Variants in SLFN12L observed in about 807,000 individuals in gnomAD.
The protein encoded by SLFN12L is schlafen family member 12 like.
Under a neutral mutation model 34.8 loss-of-function variants are expected in SLFN12L, and 34 were observed. The observed-to-expected ratio is 0.98, with a 90% CI of 0.74 to 1.30. The LOEUF (loss-of-function observed/expected upper bound fraction) is 1.30. Ranked by LOEUF, SLFN12L falls within the 50% of genes most tolerant of loss-of-function variation. The pLI, the probability that SLFN12L is intolerant of heterozygous loss-of-function variation, is 0.00. For synonymous variants in SLFN12L, 259 were observed against 247.5 expected (o/e 1.05, Z -0.44); for missense variants, 703 against 696.2 (o/e 1.01, Z -0.11).
chr17:35,492,795 G>A (rs950832457), intron 2 of SLFN12L, among the ~76,000 whole-genome samples: 3 of 152,122 alleles, frequency 2.0e-5, no homozygotes, highest in Admixed American at 6.5e-5. Context: ...TAGTATCTCC[G>A]GTCCATTCCT....
chr17:35,475,408 AT>A lies in SLFN12L; in HGVS notation c.1353del (p.Gln451HisfsTer2). The A allele has an allele frequency of 1.9e-6, 3 of 1,614,168 alleles. No homozygotes were observed. Among genetic ancestry groups the A allele is most frequent in the Non-Finnish European group, 2.5e-6 (3 of 1,180,028 alleles). On this transcript the variant is annotated frameshift_variant, in exon 5 of 5. Coordinates refer to ENST00000628453, the MANE Select transcript of SLFN12L (RefSeq NM_001363830.2). LOFTEE classifies it low-confidence loss of function (END_TRUNC). ...ACAGAGCCCATTTCTTCACATATTA[AT>A]TGCTTAAGTCCTTCATGTTGTGAGA... ...NLFSQHEGLKQLICEEMGSVN... is the reference protein window; with the variant it reads ...NLFSQHEGLKXLICEEMGSVN...
rs1913793864 is a variant in SLFN12L at position 35,470,763 on chromosome 17, G to C, written c.*4160C>G. 6.6e-6 allele frequency: 1 copy of C among 151,800 alleles called. No homozygotes were observed. The highest frequency in any genetic ancestry group is 1.5e-5 in the Non-Finnish European group (1 of 68,042). 9.4% of individuals were successfully genotyped at this position (151,800 alleles called of 1,614,324 possible). On this transcript the variant is annotated 3_prime_UTR_variant, in exon 5 of 5. Transcript: ENST00000628453. ...TGTTACATAGGTATACATGTGCCAT[G>C]GTGGTTTGCTGCACCTATTGACCCA...
intron 2 of SLFN12L, chr17:35,487,902 G>A (rs2142137609): frequency 1.3e-6 from 1 of 775,434 alleles, no homozygotes; most frequent in African/African-American, 1.7e-5. Flanking sequence ...CTGCGCCTTT[G>A]GAAACGGTGT....
chr17:35,480,299 A>T, intron 2 of SLFN12L, 104 bp from the exon 3 acceptor site: 1 of 877,154 alleles, frequency 1.1e-6, no homozygotes, highest in South Asian at 1.9e-5. Flanking sequence ...TTTCCACTAG[A>T]CTGGTAAGTA....
chr17:35,465,766 T>C lies in SLFN12L; in HGVS notation c.*9157A>G, dbSNP rs907242011. Among the ~76,000 whole-genome samples the C allele has an allele frequency of 6.7e-6, 1 of 149,074 alleles. No homozygotes were observed. The highest frequency in any genetic ancestry group is 1.5e-5 in the Non-Finnish European group (1 of 67,546). ...CTAGGGCCTCATAGCCAGTATCTAG[T>C]ATGATTAACATTATTAACTCTATCC... On this transcript the variant is annotated 3_prime_UTR_variant, in exon 5 of 5. Coordinates refer to ENST00000628453, the MANE Select transcript of SLFN12L (RefSeq NM_001363830.2).
intron 2 of SLFN12L, among the ~76,000 whole-genome samples, chr17:35,488,656 C>T (rs1914706943): frequency 6.6e-6 from 1 of 152,176 alleles, no homozygotes; most frequent in Admixed American, 6.5e-5. Context: ...TCTGAATTGC[C>T]CTTTCTCCCT....
chr17:35,521,623 G>A (rs1412572890), intron 2 of SLFN12L, among the ~76,000 whole-genome samples: 1 of 152,192 alleles, frequency 6.6e-6, no homozygotes, highest in Non-Finnish European at 1.5e-5. Flanking sequence ...AATTGGGGAG[G>A]CTGAGGCAGG....
intron 2 of SLFN12L, among the ~76,000 whole-genome samples, chr17:35,509,009 A>C (rs982430970): frequency 3.3e-5 from 5 of 152,228 alleles, no homozygotes; most frequent in African/African-American, 9.6e-5. Context: ...TCTGGGTATT[A>C]TCTGAAGACT....
intron 1 of SLFN12L, among the ~76,000 whole-genome samples, chr17:35,533,405 A>T (rs1450223245): frequency 1.3e-5 from 2 of 152,220 alleles, no homozygotes; most frequent in African/African-American, 4.8e-5. Flanking sequence ...GAACAAAACA[A>T]ACCTGGTCCC....
chr17:35,487,804 C>T, intron 2 of SLFN12L: 3 of 1,511,606 alleles, frequency 2.0e-6, no homozygotes, highest in South Asian at 1.2e-5. Flanking sequence ...TCTCCGCGTC[C>T]GTGTGCGGCT....
At chr17:35,481,281 C>G (rs948494076) in intron 2 of SLFN12L, among the ~76,000 whole-genome samples, 1 of 152,176 alleles carries the variant, frequency 6.6e-6, no homozygotes, top group African/African-American at 2.4e-5. Flanking sequence ...AGAGAAGACT[C>G]TGCTCCACCA....
At chr17:35,491,869 C>T (rs1310624876) in intron 2 of SLFN12L, among the ~76,000 whole-genome samples, 1 of 152,188 alleles carries the variant, frequency 6.6e-6, no homozygotes, top group East Asian at 1.9e-4. Flanking sequence ...GGATGAAGAA[C>T]CTGTTTTCAA....
intron 2 of SLFN12L, among the ~76,000 whole-genome samples, chr17:35,518,381 A>G (rs1199162771): frequency 6.6e-6 from 1 of 152,204 alleles, no homozygotes; most frequent in East Asian, 1.9e-4. Context: ...GTGAAACCCC[A>G]TCTCTACAAA....
At chr17:35,530,702 C>T (rs900746029) in intron 1 of SLFN12L, among the ~76,000 whole-genome samples, 1 of 151,798 alleles carries the variant, frequency 6.6e-6, no homozygotes, top group African/African-American at 2.4e-5. Context: ...TTTCAAAGAA[C>T]TTGTATTTGG....
chr17:35,502,927 G>A (rs1334736127), intron 2 of SLFN12L, among the ~76,000 whole-genome samples: 2 of 152,134 alleles, frequency 1.3e-5, no homozygotes, highest in Non-Finnish European at 2.9e-5. Flanking sequence ...AGAAATGTTT[G>A]TAATAAGTCA....
chr17:35,474,993 A>T lies in SLFN12L; in HGVS notation c.1769T>A (p.Ile590Asn). The T allele has an allele frequency of 1.3e-6, 2 of 1,567,126 alleles. No homozygotes were observed. The highest frequency in any genetic ancestry group is 1.7e-6 in the Non-Finnish European group (2 of 1,154,516). The part of the protein sequence containing the change: ...LSNILPKENQ[I>N]FLFVCLFRFC... ...ACGAAACAAACAAACAAACAAAAAG[A>T]TTTGATTCTCCTTAGGTAAGATATT... Residue 590 changes from isoleucine to asparagine, a missense_variant, in exon 5 of 5, where the codon ATC becomes AAC. Physicochemically the swap from Ile to Asn is moderately radical, Grantham distance 149. Transcript: ENST00000628453.
intron 2 of SLFN12L, among the ~76,000 whole-genome samples, chr17:35,500,725 T>C (rs541697341): frequency 8.1e-6 from 1 of 123,324 alleles, no homozygotes; most frequent in East Asian, 3.0e-4. Context: ...CGAGACTCTG[T>C]CTCAAAAAAA....
chr17:35,494,889 T>TTTATTTTATTTA (rs1555542073), intron 2 of SLFN12L, among the ~76,000 whole-genome samples: 1 of 146,842 alleles, frequency 6.8e-6, no homozygotes, highest in Non-Finnish European at 1.5e-5. Context: ...AATTTATTTA[T>TTTATTTTATTTA]TTTATTTATT....
At chr17:35,479,053 T>C (rs1914162654) in intron 3 of SLFN12L, 64 bp downstream of exon 3, 1 of 1,234,738 alleles carries the variant, frequency 8.1e-7, no homozygotes. Context: ...ATCCCAAAGA[T>C]ACAATAAAAC....
Sources: gnomAD v4.1 joint callset for allele counts (sites outside exome capture counted in the v4.1 genomes callset) on GRCh38, gnomAD v4.1.1 for gene constraint, MANE v1.5 for transcripts, NCBI Gene and HGNC (gene_info 2026-07-23, HGNC 2026-07-21) for gene names.